UBR4: variants seen among roughly 807,000 people sequenced by gnomAD.
UBR4 encodes E3 ubiquitin-protein ligase UBR4.
UBR4 carries 124 observed loss-of-function variants against 575.6 expected under a neutral mutation model. The ratio of observed to expected loss-of-function variants is 0.22; its 90% CI spans 0.19 to 0.25. UBR4 has a LOEUF of 0.25. Among genes scored for constraint, UBR4 ranks in the 10% least tolerant of loss-of-function variants. UBR4 has a pLI of 1.00. For synonymous variants in UBR4, 2,455 were observed against 2,473.7 expected (o/e 0.99, Z 0.22); for missense variants, 4,818 against 6,478.8 (o/e 0.74, Z 8.80).
chr1:19,181,363 T>TA (rs547873723), intron 17 of UBR4, among the ~76,000 whole-genome samples: 163 of 150,278 alleles, frequency 1.1e-3, no homozygotes, highest in South Asian at 2.5e-3. Context: ...TCCCCACCTC[T>TA]AAAAAAAAAC....
Position 19,153,557 on chromosome 1 carries a change from C to G in UBR4, c.6631-55G>C. The G allele has an allele frequency of 6.3e-7, 1 of 1,597,246 alleles. No homozygotes were observed. ...GTTCCCACACCCACAGATCAGCATC[C>G]TCACAGAAAAAGAGGCAGAGATGCA... On this transcript the variant is annotated intron_variant, in intron 45 of 105. Coordinates refer to ENST00000375254, the MANE Select transcript of UBR4 (RefSeq NM_020765.3). The surrounding 1 kb of genome is among the most constrained non-coding windows in gnomAD (Gnocchi z 4.1).
chr1:19,110,703 A>G lies in UBR4; in HGVS notation c.11892+39T>C, dbSNP rs765374031. 1 of 1,600,906 alleles carries G rather than the reference A, an allele frequency of 6.2e-7. No homozygotes were observed. Among genetic ancestry groups the G allele is most frequent in the Non-Finnish European group, 8.6e-7 (1 of 1,168,604 alleles). ...TGAGAAACACAAGGCATGTGAGGGG[A>G]AGTCAGAGAGGACAGCTGGGCCTGC... is the stretch of plus-strand genomic sequence containing the variant. On this transcript the variant is annotated intron_variant, in intron 79 of 105. Transcript: ENST00000375254. The surrounding 1 kb of genome is among the most constrained non-coding windows in gnomAD (Gnocchi z 4.5).
In UBR4 at chr1:19,187,261, A is replaced by C. The variant is rs2091637398; in HGVS notation, c.1535T>G (p.Met512Arg). ...TDGPPAALSI[M>R]AQSTSIQRIQ... ...CCTCTGTATGGAGGTGCTCTGGGCC[A>C]TAATGCTCAAGGCTGCAGGGGGGCC... is the stretch of plus-strand genomic sequence containing the variant. The change falls in exon 13 of 106, where the codon ATG (methionine) becomes AGG (arginine). Residue 512 changes from methionine (M) to arginine (R), a missense_variant. Met to Arg is a moderately conservative substitution (Grantham distance 91). Around this residue, in one of 29 missense-constraint regions of UBR4, gnomAD observed 162 missense variants for 216.4 expected, o/e 0.75. Coordinates refer to ENST00000375254, the MANE Select transcript of UBR4 (RefSeq NM_020765.3). 6.2e-7 allele frequency: 1 copy of C among 1,613,916 alleles called. No homozygotes were observed. Among genetic ancestry groups the C allele is most frequent in the African/African-American group, 1.3e-5 (1 of 74,880 alleles).
At chr1:19,130,325 A>T (rs554707436) in intron 60 of UBR4, among the ~76,000 whole-genome samples, 43 of 152,340 alleles carry the variant, frequency 2.8e-4, no homozygotes, top group South Asian at 6.2e-4. Context: ...CTGAGGCAGG[A>T]GTTCAAGACC....
At chr1:19,156,562 G>C in intron 41 of UBR4, 139 bp from the exon 42 acceptor site, 1 of 1,281,446 alleles carries the variant, frequency 7.8e-7, no homozygotes, top group Non-Finnish European at 1.1e-6. Flanking sequence ...GTAACATTCA[G>C]GTTTCATGAA....
Position 19,118,937 on chromosome 1 carries a change from C to T in UBR4, c.10476G>A (p.Lys3492=). 1.2e-6 allele frequency: 2 copies of T among 1,614,190 alleles called. No homozygotes were observed. Among genetic ancestry groups the T allele is most frequent in the Non-Finnish European group, 1.7e-6 (2 of 1,180,008 alleles). ...TEKKLKEYSQ[K]AVEILRTQNH... ...TTTGAGTCCGCAGAATCTCCACAGC[C>T]TTCTGTGAATACTCCTTCAACTGAA... is the stretch of plus-strand genomic sequence containing the variant. The change falls in exon 71 of 106, where the codon AAG becomes AAA. Residue 3492 remains lysine (K), a synonymous_variant. Transcript: ENST00000375254.
Position 19,170,807 on chromosome 1 carries a change from C to T in UBR4, c.3598G>A (p.Ala1200Thr). Reference protein sequence around the residue: ...PSKEKLQGFAAVLAIGSSRCK... With the variant: ...PSKEKLQGFATVLAIGSSRCK... ...CTGCTAGAGCCAATAGCCAAAACAG[C>T]AGCAAAGCCTTGCAGTTTCTCCTTG... is the stretch of plus-strand genomic sequence containing the variant. The change falls in exon 26 of 106, where the codon GCT (alanine) becomes ACT (threonine). Residue 1200 changes from alanine (A) to threonine (T), a missense_variant. By Grantham distance (58) the Ala-to-Thr change is moderately conservative. Around this residue, in one of 29 missense-constraint regions of UBR4, gnomAD observed 1,172 missense variants for 1,259.7 expected, o/e 0.93. Coordinates refer to ENST00000375254, the MANE Select transcript of UBR4 (RefSeq NM_020765.3). 1 of 1,614,192 alleles carries T rather than the reference C, an allele frequency of 6.2e-7. No individual in the cohort carries two copies.
At chr1:19,185,349 G>C in intron 14 of UBR4, 63 bp from the exon 15 acceptor site, 5 of 1,459,402 alleles carry the variant, frequency 3.4e-6, no homozygotes, top group Non-Finnish European at 4.6e-6. Context: ...TGGTGCATCT[G>C]CTTCCTAAAA....
intron 102 of UBR4, chr1:19,082,108 C>T (rs886971083): frequency 2.8e-5 from 9 of 323,828 alleles, no homozygotes; most frequent in Non-Finnish European, 4.6e-5. Context: ...CTCCCTCTTC[C>T]GGTTTGTCTT....
intron 70 of UBR4, 74 bp from the exon 71 acceptor site, chr1:19,119,031 G>A (rs2080891714): frequency 4.2e-6 from 6 of 1,412,066 alleles, no homozygotes; most frequent in South Asian, 1.2e-5. Flanking sequence ...TTTGTCTTCT[G>A]CATTCTAGCT....
chr1:19,208,905 T>C (rs2093160082), intron 1 of UBR4, among the ~76,000 whole-genome samples: 1 of 152,178 alleles, frequency 6.6e-6, no homozygotes, highest in South Asian at 2.1e-4. Context: ...AGCCACGTAA[T>C]TTGAAAGTAG....
intron 17 of UBR4, among the ~76,000 whole-genome samples, chr1:19,181,935 T>C (rs188532508): frequency 1.3e-5 from 2 of 152,264 alleles, no homozygotes; most frequent in African/African-American, 4.8e-5. Context: ...ACTGAAACAC[T>C]GTACCCACTA....
At chr1:19,167,468 CATTT>C (rs929454353) in intron 28 of UBR4, among the ~76,000 whole-genome samples, 1 of 152,106 alleles carries the variant, frequency 6.6e-6, no homozygotes, top group African/African-American at 2.4e-5. Context: ...TTGAAAAATC[CATTT>C]ATTAAAACGT....
chr1:19,173,610 G>A lies in UBR4; in HGVS notation c.2994C>T (p.Ala998=), dbSNP rs147239460. 3.1e-6 allele frequency: 5 copies of A among 1,613,874 alleles called. No individual in the cohort carries two copies. The African/African-American group carries it at 6.7e-5, about 22-fold the overall frequency. Residue 998 remains alanine (A), a synonymous_variant, in exon 23 of 106, where the codon GCC becomes GCT. Coordinates refer to ENST00000375254, the MANE Select transcript of UBR4 (RefSeq NM_020765.3). ...NKNVTALEAC[A]LQYYFLILWR... is the part of the protein sequence containing the mutation. The stretch of plus-strand genomic sequence containing the variant: ...ACAGTATCAAGAAGTAATATTGAAG[G>A]GCACAGGCCTCCTGGAGAAAGGAAA...
At chr1:19,200,680 T>C (rs888962220) in intron 2 of UBR4, among the ~76,000 whole-genome samples, 1 of 152,102 alleles carries the variant, frequency 6.6e-6, no homozygotes, top group Admixed American at 6.5e-5. Flanking sequence ...ATAAAATGAC[T>C]TCCTTACATA....
At chr1:19,171,646 G>C (rs531207828) in intron 25 of UBR4, among the ~76,000 whole-genome samples, 19 of 152,202 alleles carry the variant, frequency 1.2e-4, no homozygotes, top group African/African-American at 4.6e-4. Context: ...TTCAAGACCA[G>C]CCTGGCCAAC....
At chr1:19,180,031 AGTTACC>A (rs1166703863) in intron 17 of UBR4, among the ~76,000 whole-genome samples, 5 of 152,214 alleles carry the variant, frequency 3.3e-5, no homozygotes, top group Non-Finnish European at 5.9e-5. Context: ...TGGACTACAC[AGTTACC>A]ATAGGTTGAG....
At position 19,104,157 on chromosome 1, in the gene UBR4, C is replaced by G. The variant is rs1302207201; in HGVS notation, c.12828G>C (p.Leu4276=). The G allele has an allele frequency of 6.2e-7, 1 of 1,614,264 alleles. No homozygotes were observed. The highest frequency in any genetic ancestry group is 8.5e-7 in the Non-Finnish European group (1 of 1,180,054). ...VLNGYLCLRK[L]VVQRTKLIDE... ...CGATCAGCTTGGTCCTCTGCACCAC[C>G]AGCTTCCGCAAGCACAGGTATCCAT... The change falls in exon 87 of 106, where the codon CTG becomes CTC. Residue 4276 remains leucine, a synonymous_variant. Coordinates refer to ENST00000375254, the MANE Select transcript of UBR4 (RefSeq NM_020765.3).
At chr1:19,184,687 CACTT>C (rs1166856906) in intron 15 of UBR4, among the ~76,000 whole-genome samples, 3 of 152,130 alleles carry the variant, frequency 2.0e-5, no homozygotes, top group African/African-American at 4.8e-5. Flanking sequence ...CGGGGACTGA[CACTT>C]ACTAGATAAT....
Sources: allele counts gnomAD v4.1 joint callset (sites outside exome capture counted in the v4.1 genomes callset), GRCh38; gene constraint gnomAD v4.1.1; regional missense constraint gnomAD v4.1.1; non-coding constraint Gnocchi (gnomAD v3.1); transcripts MANE v1.5; gene names NCBI Gene and HGNC (gene_info 2026-07-23, HGNC 2026-07-21).